PDE6B: variants seen among roughly 807,000 people sequenced by gnomAD.
PDE6B encodes the protein phosphodiesterase 6B.
Under a neutral mutation model 109.0 loss-of-function variants are expected in PDE6B, and 106 were observed. That is an observed-to-expected ratio of 0.97 (90% CI 0.83 to 1.14). The LOEUF is 1.14. Among genes scored for constraint, PDE6B ranks in the 50% most tolerant of loss-of-function variants. The pLI is 0.00. For missense variants in PDE6B, 1,193 were observed against 1,155.6 expected (o/e 1.03, Z -0.47); for synonymous variants, 490 against 471.3 (o/e 1.04, Z -0.51).
intron 3 of PDE6B, among the ~76,000 whole-genome samples, chr4:649,426 C>T (rs1211888141): frequency 1.3e-5 from 2 of 152,116 alleles, no homozygotes; most frequent in Non-Finnish European, 2.9e-5. Context: ...AGAAACAAGG[C>T]TCCTGGGGCT....
chr4:662,401 T>A lies in PDE6B; in HGVS notation c.1723-108T>A. ...TGCACCGCGCACCCCAGCCCTGCGG[T>A]GGTCGGAGGTCCAACCTCCAACCCG... On this transcript the variant is annotated intron_variant, in intron 13 of 21. Transcript: ENST00000496514. The surrounding 1 kb of genome is among the most constrained non-coding windows in gnomAD (Gnocchi z 4.3). The A allele has an allele frequency of 3.5e-6, 3 of 859,814 alleles. No homozygotes were observed. Among genetic ancestry groups the A allele is most frequent in the Non-Finnish European group, 3.9e-6 (2 of 511,954 alleles). The allele number at this position is 859,814 out of a possible 1,614,324, so 53.3% of individuals were successfully genotyped here. A position where few individuals can be genotyped will look rare whatever the true frequency, so the allele number is the denominator to read the frequency against.
chr4:663,961 G>A lies in PDE6B; in HGVS notation c.2021+91G>A. The A allele has an allele frequency of 1.8e-6, 2 of 1,112,426 alleles. No homozygotes were observed. The highest frequency in any genetic ancestry group is 1.3e-6 in the Non-Finnish European group (1 of 756,594). The allele number at this position is 1,112,426 out of a possible 1,614,324, so 68.9% of individuals were successfully genotyped here. On this transcript the variant is annotated intron_variant, in intron 16 of 21. Coordinates refer to ENST00000496514, the MANE Select transcript of PDE6B (RefSeq NM_000283.4). This position sits in a 1 kb window ranked among gnomAD's most constrained non-coding sequence, Gnocchi z 4.0. ...CGGGGGCGCAGCGGCGGCACAGCCC[G>A]GGGGACGCAGCCCCGGATTCCGTCC... is the stretch of plus-strand genomic sequence containing the variant.
intron 12 of PDE6B, chr4:661,350 C>G (rs1268917778): frequency 2.0e-5 from 3 of 152,368 alleles, no homozygotes; most frequent in African/African-American, 4.8e-5. Context: ...AGTGGCCCCC[C>G]TGGTTTGGCC....
chr4:663,959 C>G lies in PDE6B; in HGVS notation c.2021+89C>G, dbSNP rs1577301912. The G allele has an allele frequency of 8.9e-7, 1 of 1,127,040 alleles. No individual in the cohort carries two copies. The highest frequency in any genetic ancestry group is 2.6e-5 in the East Asian group (1 of 38,858). 69.8% of individuals were successfully genotyped at this position (1,127,040 alleles called of 1,614,324 possible). A position where few individuals can be genotyped will look rare whatever the true frequency, so the allele number is the denominator to read the frequency against. On this transcript the variant is annotated intron_variant, in intron 16 of 21. Coordinates refer to ENST00000496514, the MANE Select transcript of PDE6B (RefSeq NM_000283.4). The surrounding 1 kb of genome is among the most constrained non-coding windows in gnomAD (Gnocchi z 4.0). ...CACGGGGGCGCAGCGGCGGCACAGC[C>G]CGGGGGACGCAGCCCCGGATTCCGT...
intron 6 of PDE6B, 63 bp from the exon 7 acceptor site, chr4:655,877 T>C (rs1300373037): frequency 5.3e-6 from 5 of 950,014 alleles, no homozygotes; most frequent in Non-Finnish European, 7.0e-6. Context: ...CCAGTCCCTC[T>C]GACTCCTGCA....
At chr4:668,046 C>T in intron 21 of PDE6B, 40 bp downstream of exon 21, 1 of 1,590,366 alleles carries the variant, frequency 6.3e-7, no homozygotes, top group South Asian at 1.1e-5. Flanking sequence ...GACTCGGTGA[C>T]TCTCCCAAGG....
Position 666,665 on chromosome 4 carries a change from C to A in PDE6B, c.2352+51C>A, listed in dbSNP as rs1476781030. 9.4e-6 allele frequency: 12 copies of A among 1,283,152 alleles called. No individual in the cohort carries two copies. Among genetic ancestry groups the A allele is most frequent in the Non-Finnish European group, 1.3e-5 (11 of 878,936 alleles). The allele number at this position is 1,283,152 out of a possible 1,614,324, so 79.5% of individuals were successfully genotyped here. On this transcript the variant is annotated intron_variant, in intron 20 of 21. Transcript: ENST00000496514. This position sits in a 1 kb window ranked among gnomAD's most constrained non-coding sequence, Gnocchi z 5.6. The stretch of plus-strand genomic sequence containing the variant: ...CTGACTGGGGCAGGGTGGCTGGGAG[C>A]AGGCAAGGGGGCGCGGGCTGGAGTC...
intron 12 of PDE6B, 110 bp downstream of exon 12, chr4:660,723 G>A: frequency 2.2e-6 from 2 of 922,490 alleles, no homozygotes; most frequent in South Asian, 1.4e-5. Flanking sequence ...GGATGGGATT[G>A]GGGGTTCCAG....
At position 643,305 on chromosome 4, in the gene PDE6B, C is replaced by A. The variant is rs151047544; in HGVS notation, c.711+7336C>A. 2.5e-3 allele frequency among the ~76,000 whole-genome samples: 376 copies of A among 150,766 alleles called. 2 individuals are homozygous for A. Among genetic ancestry groups the A allele is most frequent in the African/African-American group, 8.4e-3 (345 of 40,920 alleles). ...CCAGGGAGACAGAGCGAGATTCCAT[C>A]TCAAAAAAAGAAAAAAAAAAAGAAT... On this transcript the variant is annotated intron_variant, in intron 3 of 21. Coordinates refer to ENST00000496514, the MANE Select transcript of PDE6B (RefSeq NM_000283.4).
rs1736425553 is a variant in PDE6B, at chr4:657,491, C to T, written c.1398C>T (p.Ile466=). The T allele has an allele frequency of 1.2e-6, 2 of 1,612,478 alleles. No individual in the cohort carries two copies. The highest frequency in any genetic ancestry group is 3.3e-5 in the Admixed American group (2 of 59,984). The change falls in exon 10 of 22, where the codon ATC becomes ATT. Residue 466 remains isoleucine (I), a synonymous_variant. Coordinates refer to ENST00000496514, the MANE Select transcript of PDE6B (RefSeq NM_000283.4). ...VKCDRDEIQL[I]LPTRARLGKE... is the part of the protein sequence containing the mutation. Reference sequence around the variant, plus strand: ...GCGACAGGGACGAGATCCAGCTCATCCTGGTGCGGCGGGGCAGGACGTCCA... The same window carrying T: ...GCGACAGGGACGAGATCCAGCTCATTCTGGTGCGGCGGGGCAGGACGTCCA...
rs1474007239 is a variant in PDE6B at position 670,471 on chromosome 4, G to T, written c.*364G>T. On this transcript the variant is annotated 3_prime_UTR_variant, in exon 22 of 22. Transcript: ENST00000496514. ...TTGGGCAGGCTGGTCTCGAACTCCT[G>T]ACCTCAGGTGATCACCCGCCTCAGC... 2 of 268,288 alleles carry T rather than the reference G, an allele frequency of 7.5e-6. No homozygotes were observed. Among genetic ancestry groups the T allele is most frequent in the Non-Finnish European group, 1.5e-5 (2 of 136,442 alleles). The allele number at this position is 268,288 out of a possible 1,614,324, so 16.6% of individuals were successfully genotyped here. A position where few individuals can be genotyped will look rare whatever the true frequency, so the allele number is the denominator to read the frequency against.
rs113134708 is a variant in PDE6B at position 666,651 on chromosome 4, A to G, written c.2352+37A>G. On this transcript the variant is annotated intron_variant, in intron 20 of 21. Coordinates refer to ENST00000496514, the MANE Select transcript of PDE6B (RefSeq NM_000283.4). The surrounding 1 kb of genome is among the most constrained non-coding windows in gnomAD (Gnocchi z 5.6). ...ACGGGTGTTCCGAGCTGACTGGGGC[A>G]GGGTGGCTGGGAGCAGGCAAGGGGG... 1.5e-4 allele frequency: 211 copies of G among 1,453,340 alleles called. No individual in the cohort carries two copies. The African/African-American group carries it at 2.6e-3, about 18-fold the overall frequency. 90.0% of individuals were successfully genotyped at this position (1,453,340 alleles called of 1,614,324 possible).
At chr4:661,928 A>G in intron 12 of PDE6B, 2 of 612,406 alleles carry the variant, frequency 3.3e-6, no homozygotes, top group Non-Finnish European at 5.9e-6. Flanking sequence ...GCTCCACCCC[A>G]TAGGTGCCAA....
chr4:639,606 G>T (rs1357718516), intron 3 of PDE6B, among the ~76,000 whole-genome samples: 1 of 152,230 alleles, frequency 6.6e-6, no homozygotes, highest in East Asian at 1.9e-4. Flanking sequence ...AGCCACTGAG[G>T]TGCAGAACTG....
At chr4:637,017 T>C (rs763203748) in intron 3 of PDE6B, among the ~76,000 whole-genome samples, 7 of 152,244 alleles carry the variant, frequency 4.6e-5, no homozygotes, top group Non-Finnish European at 7.3e-5. Context: ...GTGAGAGATT[T>C]GTCTCTTCTC....
At chr4:652,556 A>C in intron 3 of PDE6B, 3 of 921,006 alleles carry the variant, frequency 3.3e-6, no homozygotes, top group Non-Finnish European at 3.9e-6. Context: ...GGTGCTCGGT[A>C]AGTGCAGTTC....
chr4:665,291 G>A lies in PDE6B; in HGVS notation c.2230G>A (p.Gly744Ser). Residue 744 changes from glycine to serine, a missense_variant, in exon 19 of 22, where the codon GGT becomes AGT. Transcript: ENST00000496514. The surrounding 1 kb of genome is among the most constrained non-coding windows in gnomAD (Gnocchi z 4.0). ...CGTGGCTGCTGAGTTCTGGGAGCAA[G>A]GTGACTTGGAAAGGACAGTCTTGGA... ...LLVAAEFWEQ[G>S]DLERTVLDQQ... 1.2e-6 allele frequency: 2 copies of A among 1,613,010 alleles called. No individual in the cohort carries two copies. Among genetic ancestry groups the A allele is most frequent in the Non-Finnish European group, 1.7e-6 (2 of 1,179,672 alleles).
At position 642,730 on chromosome 4, in the gene PDE6B, A is replaced by AAAAAAAAAAC. The variant is rs1176320918; in HGVS notation, c.711+6770_711+6771insCAAAAAAAAA. ...CTGGACAACAGACACTGTCTCAAAAAAAAAAAAAAAAAAAAAAAAAGAATG... is the reference window on the plus strand; with the variant it reads ...CTGGACAACAGACACTGTCTCAAAAAAAAAAAAAACAAAAAAAAAAAAAAAAAAAAGAATG... On this transcript the variant is annotated intron_variant, in intron 3 of 21. Transcript: ENST00000496514. Among the ~76,000 whole-genome samples, 455 of 150,004 alleles carry AAAAAAAAAAC rather than the reference A, an allele frequency of 3.0e-3. 1 individual carries two copies. The highest frequency in any genetic ancestry group is 0.011 in the African/African-American group (437 of 40,596).
chr4:663,849 C>A lies in PDE6B; in HGVS notation c.2000C>A (p.Thr667Lys). 6.2e-7 allele frequency: 1 copy of A among 1,611,726 alleles called. No individual in the cohort carries two copies. The highest frequency in any genetic ancestry group is 8.5e-7 in the Non-Finnish European group (1 of 1,178,946). ...IHLMDIAIIATDLALYFKKRA... is the reference protein window; with the variant it reads ...IHLMDIAIIAKDLALYFKKRA... Reference sequence around the variant, plus strand: ...CTGATGGACATCGCCATCATCGCCACGGACCTGGCCCTGTACTTCAAGTGC... The same window carrying A: ...CTGATGGACATCGCCATCATCGCCAAGGACCTGGCCCTGTACTTCAAGTGC... The change falls in exon 16 of 22, where the codon ACG becomes AAG. Residue 667 changes from threonine to lysine, a missense_variant. By Grantham distance (78) the Thr-to-Lys change is moderately conservative. Coordinates refer to ENST00000496514, the MANE Select transcript of PDE6B (RefSeq NM_000283.4). The surrounding 1 kb of genome is among the most constrained non-coding windows in gnomAD (Gnocchi z 4.0).
Sources: allele counts gnomAD v4.1 joint callset (sites outside exome capture counted in the v4.1 genomes callset), GRCh38; gene constraint gnomAD v4.1.1; non-coding constraint Gnocchi (gnomAD v3.1); transcripts MANE v1.5; gene names NCBI Gene and HGNC (gene_info 2026-07-23, HGNC 2026-07-21).